Variants in CROCC2 observed in about 807,000 individuals in gnomAD.
The protein encoded by CROCC2 is ciliary rootlet coiled-coil protein 2.
Under a neutral mutation model 177.6 loss-of-function variants are expected in CROCC2, and 163 were observed. The ratio of observed to expected loss-of-function variants is 0.92; its 90% CI spans 0.81 to 1.05. CROCC2 has a LOEUF of 1.05. CROCC2 is among the 50% of genes least tolerant of loss of function. The probability of loss-of-function intolerance (pLI) is 0.00; values close to 1 mark genes in which losing one functional copy is unlikely to be tolerated. For missense variants in CROCC2, 1,929 were observed against 1,797.8 expected (o/e 1.07, Z -1.32); for synonymous variants, 904 against 787.3 (o/e 1.15, Z -2.48).
At chr2:240,967,948 C>A (rs891625340) in intron 26 of CROCC2, among the ~76,000 whole-genome samples, 181 bp from the exon 27 acceptor site, 1 of 152,142 alleles carries the variant, frequency 6.6e-6, no homozygotes, top group Non-Finnish European at 1.5e-5. Context: ...AGGAAAGAGG[C>A]AGGAGGGAAG....
intron 1 of CROCC2, among the ~76,000 whole-genome samples, chr2:240,911,185 G>A (rs969334098): frequency 2.0e-5 from 3 of 151,732 alleles, no homozygotes; most frequent in Non-Finnish European, 4.4e-5. Flanking sequence ...TAAATTGTGG[G>A]AAAATATACA....
At chr2:240,922,294 C>G (rs1203761548) in intron 3 of CROCC2, among the ~76,000 whole-genome samples, 5 of 152,170 alleles carry the variant, frequency 3.3e-5, no homozygotes, top group African/African-American at 9.7e-5. Flanking sequence ...TCAGTGCAAC[C>G]CAGCATGCCC....
intron 27 of CROCC2, among the ~76,000 whole-genome samples, chr2:240,968,940 C>T (rs528604034): frequency 4.6e-5 from 7 of 152,350 alleles, no homozygotes; most frequent in South Asian, 4.1e-4. Flanking sequence ...AAGCAGCCCC[C>T]GGGGTGTCCT....
At chr2:240,981,875 A>T (rs2059802905) in intron 27 of CROCC2, 1 of 152,228 alleles carries the variant, frequency 6.6e-6, no homozygotes, top group African/African-American at 2.4e-5. Context: ...ACTTGCAGTC[A>T]ACAAGCTTCC....
At chr2:240,914,006 G>T (rs377459758) in intron 1 of CROCC2, among the ~76,000 whole-genome samples, 4 of 152,268 alleles carry the variant, frequency 2.6e-5, no homozygotes, top group African/African-American at 9.6e-5. Flanking sequence ...GGCCATGGAG[G>T]GCCCGGGAGA....
chr2:240,945,346 T>C (rs2059517170), intron 14 of CROCC2, among the ~76,000 whole-genome samples: 1 of 152,208 alleles, frequency 6.6e-6, no homozygotes, highest in African/African-American at 2.4e-5. Context: ...GATGGTCTAT[T>C]TCTGATTCAC....
At chr2:240,991,774 G>T (rs2059881185) in intron 31 of CROCC2, among the ~76,000 whole-genome samples, 2 of 152,256 alleles carry the variant, frequency 1.3e-5, no homozygotes, top group Non-Finnish European at 2.9e-5. Context: ...GGCCCTGTCA[G>T]GCTGGCTTCC....
chr2:240,944,088 G>A (rs2059509564), intron 14 of CROCC2, among the ~76,000 whole-genome samples: 4 of 151,984 alleles, frequency 2.6e-5, no homozygotes, highest in Admixed American at 2.0e-4. Flanking sequence ...GTTTTCGCTG[G>A]GTATAGAATA....
intron 22 of CROCC2, 143 bp from the exon 23 acceptor site, chr2:240,965,238 C>T: frequency 8.1e-7 from 1 of 1,238,280 alleles, no homozygotes; most frequent in African/African-American, 1.5e-5. Context: ...AGGGCAAGGT[C>T]CTTTGGGGCA....
chr2:240,972,740 C>T lies in CROCC2; in HGVS notation c.4401+4478C>T, dbSNP rs1485234477. ...CAATTCTGGCAATTATTATTTCACC[C>T]ATTTTTAGGCCAAGTTGGTCTCATC... On this transcript the variant is annotated intron_variant, in intron 27 of 31. Coordinates refer to ENST00000690015, the MANE Select transcript of CROCC2 (RefSeq NM_001351305.2). The surrounding 1 kb of genome is among the most constrained non-coding windows in gnomAD (Gnocchi z 7.1). 1.3e-5 allele frequency among the ~76,000 whole-genome samples: 2 copies of T among 151,988 alleles called. No homozygotes were observed. The highest frequency in any genetic ancestry group is 1.9e-4 in the East Asian group (1 of 5,188).
chr2:240,957,149 G>A (rs1414702495), intron 19 of CROCC2, among the ~76,000 whole-genome samples: 1 of 152,150 alleles, frequency 6.6e-6, no homozygotes, highest in Admixed American at 6.5e-5. Flanking sequence ...AGGTAGGATT[G>A]AGGGCGAGGC....
intron 25 of CROCC2, 143 bp from the exon 26 acceptor site, chr2:240,967,202 G>A (rs1026180486): frequency 1.3e-5 from 5 of 397,284 alleles, no homozygotes; most frequent in South Asian, 2.8e-4. Context: ...CCGAGCCCAC[G>A]GCCCACACCA....
rs1476604077 is a variant in CROCC2, at chr2:240,917,147, T to A, written c.79-1579T>A. Among the ~76,000 whole-genome samples the A allele has an allele frequency of 6.6e-6, 1 of 152,004 alleles. No homozygotes were observed. Among genetic ancestry groups the A allele is most frequent in the African/African-American group, 2.4e-5 (1 of 41,396 alleles). On this transcript the variant is annotated intron_variant, in intron 1 of 31. Coordinates refer to ENST00000690015, the MANE Select transcript of CROCC2 (RefSeq NM_001351305.2). This position sits in a 1 kb window ranked among gnomAD's most constrained non-coding sequence, Gnocchi z 4.9. The stretch of plus-strand genomic sequence containing the variant: ...GAGACAGACCCTGGTGCACGGGCTG[T>A]CGGGAGGACGGGCGGGCTGGCCCCA...
At position 240,988,697 on chromosome 2, in the gene CROCC2, C is replaced by G. The variant is rs1204615212; in HGVS notation, c.4552-42C>G. The G allele has an allele frequency of 3.0e-6, 4 of 1,341,862 alleles. No homozygotes were observed. The South Asian group carries it at 8.4e-5, about 28-fold the overall frequency. 83.1% of individuals were successfully genotyped at this position (1,341,862 alleles called of 1,614,324 possible). A position where few individuals can be genotyped will look rare whatever the true frequency, so the allele number is the denominator to read the frequency against. On this transcript the variant is annotated intron_variant, in intron 28 of 31. Transcript: ENST00000690015. ...AGGAGGGCTGGCCTGACCTCACTCC[C>G]TGCCAGGAGGCCACAGGTTCTGCCT...
At chr2:240,984,543 G>T (rs2059822902) in intron 28 of CROCC2, among the ~76,000 whole-genome samples, 1 of 112,958 alleles carries the variant, frequency 8.9e-6, no homozygotes, top group East Asian at 2.6e-4. Flanking sequence ...ACACACCCAG[G>T]CACTCACTCC....
At chr2:240,965,550 G>A in intron 23 of CROCC2, 32 bp downstream of exon 23, 1 of 1,550,146 alleles carries the variant, frequency 6.5e-7, no homozygotes, top group Non-Finnish European at 8.7e-7. Context: ...AGAAGGGAAG[G>A]AGCTGGGCGT....
chr2:240,943,920 G>A (rs1253839269), intron 14 of CROCC2, among the ~76,000 whole-genome samples: 1 of 152,138 alleles, frequency 6.6e-6, no homozygotes, highest in Non-Finnish European at 1.5e-5. Flanking sequence ...GAACACCTGG[G>A]ACCTGACTGC....
At chr2:240,912,642 G>C (rs2059295675) in intron 1 of CROCC2, among the ~76,000 whole-genome samples, 1 of 152,210 alleles carries the variant, frequency 6.6e-6, no homozygotes, top group Non-Finnish European at 1.5e-5. Context: ...CTGTGGTTTA[G>C]GGTTTTTATG....
chr2:240,986,846 G>T (rs913651478), intron 28 of CROCC2, among the ~76,000 whole-genome samples: 5 of 152,166 alleles, frequency 3.3e-5, no homozygotes, highest in African/African-American at 1.2e-4. Flanking sequence ...GAGTAGGCAG[G>T]GGGCCCCCAT....
Sources: allele counts gnomAD v4.1 joint callset (sites outside exome capture counted in the v4.1 genomes callset), GRCh38; gene constraint gnomAD v4.1.1; non-coding constraint Gnocchi (gnomAD v3.1); transcripts MANE v1.5; gene names NCBI Gene and HGNC (gene_info 2026-07-23, HGNC 2026-07-21).